PIGK: variants seen among roughly 807,000 people sequenced by gnomAD.
PIGK encodes the protein phosphatidylinositol glycan anchor biosynthesis class K, also known as GPI-anchor transamidase.
Under a neutral mutation model 50.6 loss-of-function variants are expected in PIGK, and 42 were observed. The observed-to-expected ratio is 0.83, with a 90% CI of 0.65 to 1.07. The LOEUF is 1.07. PIGK is among the 50% of genes least tolerant of loss of function. PIGK has a pLI of 0.00. For synonymous variants in PIGK, 151 were observed against 156.0 expected, an observed-to-expected ratio of 0.97 and a Z score of 0.24; for missense variants, 448 against 488.7, an observed-to-expected ratio of 0.92 and a Z score of 0.78.
intron 9 of PIGK, among the ~76,000 whole-genome samples, chr1:77,151,897 C>T (rs2100549688): frequency 6.6e-6 from 1 of 152,144 alleles, no homozygotes; most frequent in South Asian, 2.1e-4. Flanking sequence ...AATAACATTG[C>T]TAAAATGTCC....
Position 77,169,362 on chromosome 1 carries a change from G to T in PIGK, c.273C>A (p.Ala91=). The part of the protein sequence containing the change: ...HIVLMLADDM[A]CNPRNPKPAT... ...CTGGTTTGGGATTTCTAGGATTACA[G>T]GCCATATCATCTGCAAGCATTAGGA... The change falls in exon 4 of 11, where the codon GCC becomes GCA. Residue 91 remains alanine (A), a synonymous_variant. Coordinates refer to ENST00000370812, the MANE Select transcript of PIGK (RefSeq NM_005482.3). 6.2e-7 allele frequency: 1 copy of T among 1,605,696 alleles called. No individual in the cohort carries two copies. The highest frequency in any genetic ancestry group is 8.5e-7 in the Non-Finnish European group (1 of 1,175,934).
intron 10 of PIGK, among the ~76,000 whole-genome samples, chr1:77,104,726 C>T (rs899439581): frequency 6.6e-6 from 1 of 152,226 alleles, no homozygotes; most frequent in Non-Finnish European, 1.5e-5. Flanking sequence ...GCCCACCATG[C>T]TCAACTCCTT....
intron 4 of PIGK, among the ~76,000 whole-genome samples, chr1:77,168,326 T>C (rs1420044874): frequency 6.6e-6 from 1 of 152,228 alleles, no homozygotes; most frequent in African/African-American, 2.4e-5. Context: ...CATGAGTGTA[T>C]AAATTGTATG....
Position 77,188,649 on chromosome 1 carries a change from C to G in PIGK, c.239+17991G>C, listed in dbSNP as rs182515160. The stretch of plus-strand genomic sequence containing the variant: ...GTCACCCACACCTATTCACACCCTC[C>G]CTCCCTTTTTGAAAATCCCTAATAA... On this transcript the variant is annotated intron_variant, in intron 3 of 10. Coordinates refer to ENST00000370812, the MANE Select transcript of PIGK (RefSeq NM_005482.3). 3.9e-5 allele frequency among the ~76,000 whole-genome samples: 6 copies of G among 152,282 alleles called. No individual in the cohort carries two copies. In the East Asian group the frequency reaches 1.2e-3, roughly 29 times the overall value.
rs568035998 is a variant in PIGK at position 77,156,659 on chromosome 1, A to G, written c.814-2038T>C. Among the ~76,000 whole-genome samples, 14 of 152,248 alleles carry G rather than the reference A, an allele frequency of 9.2e-5. No homozygotes were observed. In the East Asian group the frequency reaches 2.7e-3, roughly 29 times the overall value. On this transcript the variant is annotated intron_variant, in intron 8 of 10. Coordinates refer to ENST00000370812, the MANE Select transcript of PIGK (RefSeq NM_005482.3). ...TTCCAACTTCCATGTGTCTGCGGGT[A>G]TTTTATTTCCCTAGAGTATGCTATA...
At chr1:77,112,310 T>C (rs1442249397) in intron 10 of PIGK, among the ~76,000 whole-genome samples, 6 of 151,554 alleles carry the variant, frequency 4.0e-5, no homozygotes, top group Non-Finnish European at 7.4e-5. Flanking sequence ...CCTAGTTACA[T>C]TATTTCAATC....
chr1:77,104,712 C>T (rs1466481914), intron 10 of PIGK, among the ~76,000 whole-genome samples: 1 of 152,220 alleles, frequency 6.6e-6, no homozygotes. Context: ...ACCCTGTTTA[C>T]TCAGCCCACC....
At chr1:77,118,759 C>A (rs1654033026) in intron 10 of PIGK, among the ~76,000 whole-genome samples, 2 of 152,048 alleles carry the variant, frequency 1.3e-5, no homozygotes, top group South Asian at 4.2e-4. Context: ...GTGATGTCAC[C>A]TTTATCATTT....
intron 3 of PIGK, among the ~76,000 whole-genome samples, chr1:77,195,654 C>T (rs959146635): frequency 6.6e-6 from 1 of 152,062 alleles, no homozygotes; most frequent in African/African-American, 2.4e-5. Context: ...CAAACATCTG[C>T]TTCTTTCTCC....
intron 10 of PIGK, among the ~76,000 whole-genome samples, chr1:77,115,318 T>C (rs1653936712): frequency 6.6e-6 from 1 of 152,198 alleles, no homozygotes; most frequent in African/African-American, 2.4e-5. Flanking sequence ...AGGCTAATTA[T>C]ACAAATAAAA....
At position 77,122,459 on chromosome 1, in the gene PIGK, AG is replaced by A. The variant is rs568550338; in HGVS notation, c.987-101del. The A allele has an allele frequency of 1.2e-4, 81 of 689,832 alleles. No homozygotes were observed. The East Asian group carries it at 2.0e-3, about 17-fold the overall frequency. The allele number at this position is 689,832 out of a possible 1,614,324, so 42.7% of individuals were successfully genotyped here. A position where few individuals can be genotyped will look rare whatever the true frequency, so the allele number is the denominator to read the frequency against. Reference sequence around the variant, plus strand: ...AAATATGAAATATAGTAAAATGCATAGATTTTTTTTGAAATAATCAGTATTT... The same window carrying A: ...AAATATGAAATATAGTAAAATGCATAATTTTTTTTGAAATAATCAGTATTT... On this transcript the variant is annotated intron_variant, in intron 9 of 10. Coordinates refer to ENST00000370812, the MANE Select transcript of PIGK (RefSeq NM_005482.3).
At position 77,131,852 on chromosome 1, in the gene PIGK, C is replaced by A. The variant is rs1030908968; in HGVS notation, c.987-9493G>T. On this transcript the variant is annotated intron_variant, in intron 9 of 10. Coordinates refer to ENST00000370812, the MANE Select transcript of PIGK (RefSeq NM_005482.3). Reference sequence around the variant, plus strand: ...AGTGAGGCTGACTCTCTATTTTCTTCATTCTCTCTGTCTTGTTTTGGTTTC... The same window carrying A: ...AGTGAGGCTGACTCTCTATTTTCTTAATTCTCTCTGTCTTGTTTTGGTTTC... 3.9e-5 allele frequency among the ~76,000 whole-genome samples: 6 copies of A among 152,000 alleles called. No homozygotes were observed. In the East Asian group the frequency reaches 1.2e-3, roughly 29 times the overall value.
chr1:77,213,040 T>G (rs1182099540), intron 1 of PIGK, among the ~76,000 whole-genome samples: 1 of 152,192 alleles, frequency 6.6e-6, no homozygotes, highest in Non-Finnish European at 1.5e-5. Flanking sequence ...TTCTCCTGCC[T>G]CAGCCTCCCG....
At chr1:77,208,287 A>G (rs911114882) in intron 2 of PIGK, among the ~76,000 whole-genome samples, 1 of 152,106 alleles carries the variant, frequency 6.6e-6, no homozygotes, top group Non-Finnish European at 1.5e-5. Flanking sequence ...CACTATACTA[A>G]TATGTAAAAT....
At chr1:77,101,597 T>C (rs1653542295) in intron 10 of PIGK, among the ~76,000 whole-genome samples, 1 of 152,240 alleles carries the variant, frequency 6.6e-6, no homozygotes, top group Non-Finnish European at 1.5e-5. Flanking sequence ...ACATCATCTA[T>C]TAAATGCCAA....
chr1:77,111,500 C>T (rs113068853), intron 10 of PIGK, among the ~76,000 whole-genome samples: 130 of 151,560 alleles, frequency 8.6e-4, no homozygotes, highest in African/African-American at 3.0e-3. Context: ...AGCAAACTAT[C>T]GCAAGGACAA....
At chr1:77,145,171 T>G (rs1380549863) in intron 9 of PIGK, among the ~76,000 whole-genome samples, 1 of 151,960 alleles carries the variant, frequency 6.6e-6, no homozygotes, top group African/African-American at 2.4e-5. Flanking sequence ...ATGTTACTAT[T>G]GAATATGTAA....
At chr1:77,096,237 TAAGCA>T (rs1271432603) in intron 10 of PIGK, among the ~76,000 whole-genome samples, 1 of 152,182 alleles carries the variant, frequency 6.6e-6, no homozygotes, top group Non-Finnish European at 1.5e-5. Flanking sequence ...CATAGTGTTC[TAAGCA>T]CATCTTCGAG....
rs1655658964 is a variant in PIGK at position 77,183,106 on chromosome 1, G to A, written c.240-13711C>T. Among the ~76,000 whole-genome samples, 3 of 152,164 alleles carry A rather than the reference G, an allele frequency of 2.0e-5. No homozygotes were observed. In the South Asian group the frequency reaches 6.2e-4, roughly 32 times the overall value. ...GACACAAGTTCTTATCATGCAAGTG[G>A]CTGACCTGTAATGAAAAATGCATGG... On this transcript the variant is annotated intron_variant, in intron 3 of 10. Transcript: ENST00000370812.
Sources: allele counts gnomAD v4.1 joint callset (sites outside exome capture counted in the v4.1 genomes callset), GRCh38; gene constraint gnomAD v4.1.1; transcripts MANE v1.5; gene names NCBI Gene and HGNC (gene_info 2026-07-23, HGNC 2026-07-21).